PRDM2: variants seen among roughly 807,000 people sequenced by gnomAD.
PRDM2 encodes PR/SET domain 2.
In PRDM2, 30 loss-of-function variants were observed where a neutral mutation model predicts 130.0. The observed-to-expected ratio is 0.23, with a 90% CI of 0.17 to 0.31. The LOEUF (loss-of-function observed/expected upper bound fraction) is 0.31. Among genes scored for constraint, PRDM2 ranks in the 10% least tolerant of loss-of-function variants. The pLI is 1.00. For synonymous variants in PRDM2, 871 were observed against 782.4 expected, an observed-to-expected ratio of 1.11 and a Z score of -1.89; for missense variants, 2,011 against 2,108.4, an observed-to-expected ratio of 0.95 and a Z score of 0.90.
intron 9 of PRDM2, among the ~76,000 whole-genome samples, chr1:13,821,946 T>G (rs2697971): frequency 0.76 from 114,993 of 152,146 alleles, 43,632 homozygotes; most frequent in Middle Eastern, 0.83. Flanking sequence ...GCTCATCATC[T>G]GCAGGCTTGT....
chr1:13,713,372 A>T (rs1320580725), intron 1 of PRDM2, among the ~76,000 whole-genome samples: 1 of 152,184 alleles, frequency 6.6e-6, no homozygotes, highest in East Asian at 1.9e-4. Flanking sequence ...GCAGAAACCA[A>T]AATTATGAGA....
intron 8 of PRDM2, among the ~76,000 whole-genome samples, chr1:13,793,686 C>T (rs892564449): frequency 2.0e-5 from 3 of 152,084 alleles, no homozygotes; most frequent in Non-Finnish European, 2.9e-5. Context: ...TAGGTAAGTG[C>T]GGAGCAATTG....
Position 13,779,354 on chromosome 1 carries a change from G to A in PRDM2, c.1559G>A (p.Gly520Asp). The change falls in exon 8 of 10, where the codon GGC becomes GAC. Residue 520 changes from glycine to aspartate, a missense_variant. By Grantham distance (94) the Gly-to-Asp change is moderately conservative. Coordinates refer to ENST00000311066, the MANE Select transcript of PRDM2 (RefSeq NM_001393986.1). The surrounding 1 kb of genome is among the most constrained non-coding windows in gnomAD (Gnocchi z 4.9). The stretch of plus-strand genomic sequence containing the variant: ...CCCAAAGGTGTACGGCGAAAAGGAG[G>A]CCTTGAAGAGCCCCAGCCTCCAGCA... ...LIPKGVRRKG[G>D]LEEPQPPAEQ... 3.1e-6 allele frequency: 5 copies of A among 1,614,138 alleles called. No individual in the cohort carries two copies. Among genetic ancestry groups the A allele is most frequent in the Non-Finnish European group, 4.2e-6 (5 of 1,180,012 alleles).
chr1:13,742,659 C>G (rs897870721), intron 5 of PRDM2, among the ~76,000 whole-genome samples: 2 of 152,148 alleles, frequency 1.3e-5, no homozygotes, highest in African/African-American at 4.8e-5. Context: ...GCATGAAGAT[C>G]GTGTTAAGTA....
intron 8 of PRDM2, among the ~76,000 whole-genome samples, chr1:13,809,413 G>A (rs918834058): frequency 1.3e-5 from 2 of 152,216 alleles, no homozygotes; most frequent in African/African-American, 4.8e-5. Context: ...GGCAGGTGAC[G>A]TGTAGCAGGA....
intron 2 of PRDM2, among the ~76,000 whole-genome samples, chr1:13,719,120 A>AT (rs1223377767): frequency 6.6e-6 from 1 of 152,180 alleles, no homozygotes; most frequent in Non-Finnish European, 1.5e-5. Flanking sequence ...ATTAAACAAG[A>AT]TCTTGTTATA....
At chr1:13,735,102 G>A (rs2100485246) in intron 4 of PRDM2, among the ~76,000 whole-genome samples, 1 of 152,280 alleles carries the variant, frequency 6.6e-6, no homozygotes, top group South Asian at 2.1e-4. Flanking sequence ...TAGCAGCAGG[G>A]TCTTAGACCC....
chr1:13,800,171 C>A lies in PRDM2; in HGVS notation c.5037-16256C>A, dbSNP rs537328073. 2.4e-3 allele frequency among the ~76,000 whole-genome samples: 365 copies of A among 152,086 alleles called. 1 individual carries two copies. Among genetic ancestry groups the A allele is most frequent in the Non-Finnish European group, 4.0e-3 (271 of 67,994 alleles). Reference sequence around the variant, plus strand: ...GATATAGCAGGGAACAAAACTGTCACAATGTCCTACTCCACGGAATTTATG... The same window carrying A: ...GATATAGCAGGGAACAAAACTGTCAAAATGTCCTACTCCACGGAATTTATG... On this transcript the variant is annotated intron_variant, in intron 8 of 9. Transcript: ENST00000311066.
intron 8 of PRDM2, among the ~76,000 whole-genome samples, chr1:13,791,866 G>A (rs755364124): frequency 3.3e-5 from 5 of 152,152 alleles, no homozygotes; most frequent in Non-Finnish European, 7.3e-5. Context: ...TATGTCAGCT[G>A]GATTTCTTTT....
At chr1:13,753,544 C>G (rs763551160) in intron 6 of PRDM2, among the ~76,000 whole-genome samples, 1 of 152,160 alleles carries the variant, frequency 6.6e-6, no homozygotes, top group Non-Finnish European at 1.5e-5. Flanking sequence ...TGAAATTCTT[C>G]TCTAAAGGTG....
intron 7 of PRDM2, among the ~76,000 whole-genome samples, chr1:13,775,204 A>C (rs908184251): frequency 3.3e-5 from 5 of 152,226 alleles, no homozygotes; most frequent in Admixed American, 2.0e-4. Flanking sequence ...CGTGCTTGTT[A>C]ATGGAGCTGT....
intron 1 of PRDM2, among the ~76,000 whole-genome samples, chr1:13,714,017 T>C (rs749207511): frequency 1.1e-4 from 17 of 152,100 alleles, no homozygotes; most frequent in Non-Finnish European, 2.1e-4. Flanking sequence ...TACAGGCGCC[T>C]GCCACCACAC....
rs573986918 is a variant in PRDM2, at chr1:13,810,477, C to G, written c.5037-5950C>G. ...GAACAGCGTGCACTGAACGTGAAAG[C>G]TTGAGTTCTTTTTTCTTTTCTTTTT... On this transcript the variant is annotated intron_variant, in intron 8 of 9. Coordinates refer to ENST00000311066, the MANE Select transcript of PRDM2 (RefSeq NM_001393986.1). Among the ~76,000 whole-genome samples, 6 of 142,614 alleles carry G rather than the reference C, an allele frequency of 4.2e-5. No individual in the cohort carries two copies. The South Asian group carries it at 1.4e-3, about 33-fold the overall frequency. 93.6% of individuals were successfully genotyped at this position (142,614 alleles called of 152,430 possible).
At position 13,746,397 on chromosome 1, in the gene PRDM2, T is replaced by C. The variant is rs1256657406; in HGVS notation, c.385-2964T>C. ...AAAACAAGCCTTGGTTTAAAAAAAATACTATTATTTTTCCTCTTCATAGGG... is the reference window on the plus strand; with the variant it reads ...AAAACAAGCCTTGGTTTAAAAAAAACACTATTATTTTTCCTCTTCATAGGG... On this transcript the variant is annotated intron_variant, in intron 5 of 9. Coordinates refer to ENST00000311066, the MANE Select transcript of PRDM2 (RefSeq NM_001393986.1). Among the ~76,000 whole-genome samples the C allele has an allele frequency of 2.0e-5, 3 of 151,922 alleles. No individual in the cohort carries two copies. The East Asian group carries it at 5.8e-4, about 29-fold the overall frequency.
intron 6 of PRDM2, among the ~76,000 whole-genome samples, chr1:13,754,450 C>T (rs1054997255): frequency 2.0e-5 from 3 of 152,204 alleles, no homozygotes; most frequent in African/African-American, 7.2e-5. Flanking sequence ...CAAGATCACC[C>T]TACCAATGAG....
At chr1:13,750,328 C>G (rs1158498091) in intron 6 of PRDM2, among the ~76,000 whole-genome samples, 1 of 150,716 alleles carries the variant, frequency 6.6e-6, no homozygotes, top group Non-Finnish European at 1.5e-5. Flanking sequence ...GAAAATATGC[C>G]AAGGCACAGT....
intron 8 of PRDM2, among the ~76,000 whole-genome samples, chr1:13,790,262 G>A (rs1473085966): frequency 6.6e-6 from 1 of 152,026 alleles, no homozygotes; most frequent in Non-Finnish European, 1.5e-5. Flanking sequence ...AGAGGATTGT[G>A]TGTGCTTTAG....
At chr1:13,712,240 C>G (rs989786621) in intron 1 of PRDM2, among the ~76,000 whole-genome samples, 3 of 151,952 alleles carry the variant, frequency 2.0e-5, no homozygotes, top group African/African-American at 7.3e-5. Context: ...AAAAGAAGAA[C>G]ATGAGATTCC....
At chr1:13,736,006 C>T (rs145866377) in intron 4 of PRDM2, among the ~76,000 whole-genome samples, 4 of 151,998 alleles carry the variant, frequency 2.6e-5, no homozygotes, top group African/African-American at 7.2e-5. Flanking sequence ...GAAATTGATT[C>T]AATTGAGATC....
Sources: allele counts gnomAD v4.1 joint callset (sites outside exome capture counted in the v4.1 genomes callset), GRCh38; gene constraint gnomAD v4.1.1; non-coding constraint Gnocchi (gnomAD v3.1); transcripts MANE v1.5; gene names NCBI Gene and HGNC (gene_info 2026-07-23, HGNC 2026-07-21).